Variants in CC2D2A observed in about 807,000 individuals in gnomAD.
CC2D2A encodes coiled-coil and C2 domain containing 2A.
A neutral mutation model predicts 212.9 loss-of-function variants in CC2D2A; 155 were observed. The ratio of observed to expected loss-of-function variants is 0.73; its 90% CI spans 0.64 to 0.83. CC2D2A has a LOEUF of 0.83. Ranked by LOEUF, CC2D2A falls within the 40% of genes least tolerant of loss-of-function variation. The pLI is 0.00. For synonymous variants in CC2D2A, 667 were observed against 686.5 expected (o/e 0.97, Z 0.44); for missense variants, 1,856 against 1,956.2 (o/e 0.95, Z 0.97).
At chr4:15,549,232 A>G (rs1481759972) in intron 17 of CC2D2A, among the ~76,000 whole-genome samples, 1 of 152,168 alleles carries the variant, frequency 6.6e-6, no homozygotes, top group Admixed American at 6.5e-5. Context: ...AATTTTCCAT[A>G]AAAGACTTTT....
intron 29 of CC2D2A, among the ~76,000 whole-genome samples, chr4:15,575,577 A>G (rs985742854): frequency 6.6e-6 from 1 of 152,200 alleles, no homozygotes; most frequent in African/African-American, 2.4e-5. Flanking sequence ...AAAAAAACAA[A>G]CATACTCCTT....
At chr4:15,552,644 C>T (rs1419936232) in intron 18 of CC2D2A, among the ~76,000 whole-genome samples, 1 of 152,202 alleles carries the variant, frequency 6.6e-6, no homozygotes, top group African/African-American at 2.4e-5. Flanking sequence ...CTCCCTGACT[C>T]AAATATACAC....
chr4:15,509,237 CTG>C (rs1216567045), intron 6 of CC2D2A, among the ~76,000 whole-genome samples: 2 of 151,344 alleles, frequency 1.3e-5, no homozygotes, highest in African/African-American at 4.9e-5. Flanking sequence ...AAATGATCCT[CTG>C]TGAAGTGGAT....
At chr4:15,586,390 G>A in intron 31 of CC2D2A, 144 bp downstream of exon 31, 1 of 482,354 alleles carries the variant, frequency 2.1e-6, no homozygotes, top group South Asian at 5.9e-5. Flanking sequence ...AAATTTTGAA[G>A]TATTTTTTCT....
chr4:15,513,639 T>A (rs1251899834), intron 8 of CC2D2A, among the ~76,000 whole-genome samples: 1 of 152,250 alleles, frequency 6.6e-6, no homozygotes, highest in African/African-American at 2.4e-5. Flanking sequence ...AACAAAGTTT[T>A]AGATCCTCTG....
intron 8 of CC2D2A, 152 bp downstream of exon 8, chr4:15,511,575 C>A (rs888861697): frequency 6.4e-6 from 4 of 622,096 alleles, no homozygotes; most frequent in Non-Finnish European, 1.0e-5. Flanking sequence ...GTACTGAATT[C>A]ACATGGCTCC....
chr4:15,479,664 C>A (rs1270112276), intron 3 of CC2D2A, among the ~76,000 whole-genome samples: 1 of 152,086 alleles, frequency 6.6e-6, no homozygotes, highest in East Asian at 1.9e-4. Flanking sequence ...GCTCTCTGGC[C>A]ACTCCTGGGG....
intron 22 of CC2D2A, among the ~76,000 whole-genome samples, 183 bp from the exon 23 acceptor site, chr4:15,560,348 A>G (rs1719514066): frequency 6.6e-6 from 1 of 152,196 alleles, no homozygotes; most frequent in Non-Finnish European, 1.5e-5. Context: ...GGGAGCTTAC[A>G]GTCTAGTACA....
chr4:15,494,151 C>T (rs1334562311), intron 4 of CC2D2A, among the ~76,000 whole-genome samples: 3 of 152,244 alleles, frequency 2.0e-5, no homozygotes, highest in Middle Eastern at 6.8e-3. Context: ...CTCTGAAAGT[C>T]CTGTTTGGAG....
chr4:15,516,037 C>G, intron 10 of CC2D2A, 33 bp downstream of exon 10: 9 of 1,538,074 alleles, frequency 5.9e-6, no homozygotes, highest in Non-Finnish European at 7.0e-6. Context: ...CAGGTGTAGC[C>G]TGGGCACACT....
At chr4:15,492,058 A>G (rs6827180) in intron 4 of CC2D2A, among the ~76,000 whole-genome samples, 9,020 of 152,256 alleles carry the variant, frequency 0.059, 761 homozygotes, top group African/African-American at 0.19. Flanking sequence ...CAGACAACTC[A>G]AATTTTACTT....
intron 4 of CC2D2A, 42 bp from the exon 5 acceptor site, chr4:15,502,387 C>A: frequency 1.6e-6 from 2 of 1,259,650 alleles, no homozygotes; most frequent in South Asian, 3.2e-5. Flanking sequence ...TTTTCTTTTT[C>A]TTTTTTTTTT....
intron 1 of CC2D2A, among the ~76,000 whole-genome samples, chr4:15,470,687 C>CTATA (rs1713720990): frequency 3.1e-5 from 1 of 32,392 alleles, no homozygotes; most frequent in Non-Finnish European, 6.2e-5. Context: ...CTCTCTCTCT[C>CTATA]TCTATATATA....
intron 30 of CC2D2A, among the ~76,000 whole-genome samples, chr4:15,581,558 T>G (rs1038015701): frequency 8.5e-5 from 13 of 152,138 alleles, no homozygotes; most frequent in African/African-American, 3.1e-4. Flanking sequence ...AAGACTGAAT[T>G]AGAGACTCAA....
chr4:15,516,516 A>C lies in CC2D2A; in HGVS notation c.1018-109A>C, dbSNP rs973512987. On this transcript the variant is annotated intron_variant, in intron 10 of 36. Coordinates refer to ENST00000424120, the MANE Select transcript of CC2D2A (RefSeq NM_001378615.1). ...ACAGTTCTGTTGGGGGAGGAAGTAC[A>C]TGAAATATATATGTTGACACAGAAT... 5 of 1,083,176 alleles carry C rather than the reference A, an allele frequency of 4.6e-6. No individual in the cohort carries two copies. In the African/African-American group the frequency reaches 7.9e-5, roughly 17 times the overall value. The allele number at this position is 1,083,176 out of a possible 1,614,324, so 67.1% of individuals were successfully genotyped here.
At chr4:15,511,910 G>A (rs567770449) in intron 8 of CC2D2A, among the ~76,000 whole-genome samples, 11 of 152,160 alleles carry the variant, frequency 7.2e-5, no homozygotes, top group South Asian at 2.1e-4. Context: ...ATGGGCAAAG[G>A]TATTGAATAG....
intron 28 of CC2D2A, among the ~76,000 whole-genome samples, chr4:15,571,767 AT>A (rs1177306402): frequency 6.6e-6 from 1 of 152,166 alleles, no homozygotes. Context: ...CTCTGAATAG[AT>A]TTTAAATGGA....
Position 15,480,759 on chromosome 4 carries a change from C to G in CC2D2A, c.179C>G (p.Pro60Arg), listed in dbSNP as rs566035797. ...TCCGAAAAATCCCACCTTGGCAACC[C>G]CCAGGAGCCTGTGCAGGAGGAGCCC... is the stretch of plus-strand genomic sequence containing the variant. ...MVSEKSHLGN[P>R]QEPVQEEPKT... Residue 60 changes from proline to arginine, a missense_variant, in exon 4 of 37, where the codon CCC (proline) becomes CGC (arginine). Transcript: ENST00000424120. The G allele has an allele frequency of 1.9e-6, 3 of 1,613,102 alleles. No individual in the cohort carries two copies. Among genetic ancestry groups the G allele is most frequent in the Non-Finnish European group, 2.5e-6 (3 of 1,179,574 alleles).
At chr4:15,520,194 G>C (rs1044720061) in intron 11 of CC2D2A, among the ~76,000 whole-genome samples, 1 of 151,972 alleles carries the variant, frequency 6.6e-6, no homozygotes, top group African/African-American at 2.4e-5. Flanking sequence ...TGAGTACTGA[G>C]GTGATATATG....
Sources: gnomAD v4.1 joint callset for allele counts (sites outside exome capture counted in the v4.1 genomes callset) on GRCh38, gnomAD v4.1.1 for gene constraint, MANE v1.5 for transcripts, NCBI Gene and HGNC (gene_info 2026-07-23, HGNC 2026-07-21) for gene names.